Variants in FSIP2 observed in about 807,000 individuals in gnomAD.
FSIP2 encodes fibrous sheath interacting protein 2.
A neutral mutation model predicts 510.5 loss-of-function variants in FSIP2; 367 were observed. The observed-to-expected ratio is 0.72, with a 90% CI of 0.66 to 0.78. The LOEUF is 0.78. Among genes scored for constraint, FSIP2 ranks in the 30% least tolerant of loss-of-function variants. The pLI is 0.00. For missense variants in FSIP2, 7,594 were observed against 7,901.7 expected (o/e 0.96, Z 1.48); for synonymous variants, 2,601 against 2,732.2 (o/e 0.95, Z 1.50).
At chr2:185,760,784 T>C (rs1692334477) in intron 9 of FSIP2, among the ~76,000 whole-genome samples, 1 of 150,588 alleles carries the variant, frequency 6.6e-6, no homozygotes, top group African/African-American at 2.4e-5. Context: ...AACAGAGAGA[T>C]GGATAAATCA....
intron 19 of FSIP2, among the ~76,000 whole-genome samples, chr2:185,819,259 G>A (rs1263879820): frequency 6.6e-6 from 1 of 151,810 alleles, no homozygotes; most frequent in Non-Finnish European, 1.5e-5. Context: ...TAAATACAAA[G>A]GAAGACAGTA....
Position 185,795,427 on chromosome 2 carries a change from C to T in FSIP2, c.8291C>T (p.Pro2764Leu), listed in dbSNP as rs1454873872. The T allele has an allele frequency of 5.2e-6, 8 of 1,534,494 alleles. No homozygotes were observed. Among genetic ancestry groups the T allele is most frequent in the African/African-American group, 1.4e-5 (1 of 72,858 alleles). The change falls in exon 16 of 23, where the codon CCA becomes CTA. Residue 2764 changes from proline to leucine, a missense_variant. By Grantham distance (98) the Pro-to-Leu change is moderately conservative. Coordinates refer to ENST00000424728, the MANE Select transcript of FSIP2 (RefSeq NM_173651.4). ...FGKVKQTKAL[P>L]SDQIIAAGKI... Reference sequence around the variant, plus strand: ...AAGGTAAAGCAAACCAAAGCTTTACCATCTGATCAAATCATAGCAGCAGGT... The same window carrying T: ...AAGGTAAAGCAAACCAAAGCTTTACTATCTGATCAAATCATAGCAGCAGGT...
chr2:185,797,123 T>A lies in FSIP2; in HGVS notation c.9987T>A (p.Ala3329=), dbSNP rs1331668118. The change falls in exon 16 of 23, where the codon GCT becomes GCA. Residue 3329 remains alanine (A), a synonymous_variant. Transcript: ENST00000424728. ...TTISPLKICL[A]AENIVNTVLS... ...TTTCCCCTCTCAAAATATGTTTAGC[T>A]GCAGAAAATATTGTCAATACTGTGC... 3 of 1,534,896 alleles carry A rather than the reference T, an allele frequency of 2.0e-6. No homozygotes were observed. The highest frequency in any genetic ancestry group is 3.9e-5 in the Admixed American group (2 of 50,896).
chr2:185,755,520 GA>G (rs1299759773), intron 8 of FSIP2, among the ~76,000 whole-genome samples: 10 of 151,506 alleles, frequency 6.6e-5, no homozygotes, highest in African/African-American at 2.4e-4. Flanking sequence ...CAAAGAGTCA[GA>G]ATAGAAAGAA....
chr2:185,777,469 G>T (rs1442498402), intron 13 of FSIP2, among the ~76,000 whole-genome samples: 1 of 148,988 alleles, frequency 6.7e-6, no homozygotes, highest in Non-Finnish European at 1.5e-5. Flanking sequence ...GTAAAAGTGG[G>T]CTCCTTGTCT....
chr2:185,772,254 C>T (rs952485542), intron 13 of FSIP2, among the ~76,000 whole-genome samples: 5 of 152,164 alleles, frequency 3.3e-5, no homozygotes, highest in African/African-American at 9.7e-5. Context: ...TTTCTTATCT[C>T]TCTCCATTAC....
Position 185,806,263 on chromosome 2 carries a change from A to G in FSIP2, c.16957A>G (p.Ser5653Gly). 2 of 1,610,270 alleles carry G rather than the reference A, an allele frequency of 1.2e-6. No homozygotes were observed. Among genetic ancestry groups the G allele is most frequent in the Non-Finnish European group, 1.7e-6 (2 of 1,178,026 alleles). The change falls in exon 17 of 23, where the codon AGC becomes GGC. Residue 5653 changes from serine (S) to glycine (G), a missense_variant. By Grantham distance (56) the Ser-to-Gly change is moderately conservative (BLOSUM62 0). Coordinates refer to ENST00000424728, the MANE Select transcript of FSIP2 (RefSeq NM_173651.4). ...TTTGGAAATAAGAATTCGAACATCA[A>G]GCAATGAGGGGAGAAGAGACTCTCC... ...DTLEIRIRTS[S>G]NEGRRDSPTQ...
intron 16 of FSIP2, among the ~76,000 whole-genome samples, chr2:185,798,000 T>C (rs531549075): frequency 2.7e-4 from 41 of 152,024 alleles, no homozygotes; most frequent in African/African-American, 8.9e-4. Flanking sequence ...CTCAATTGCT[T>C]TTTAATTCAT....
chr2:185,807,818 C>T lies in FSIP2; in HGVS notation c.18512C>T (p.Ala6171Val), dbSNP rs1456954954. ...TDVPLPKPSH[A>V]DKLSYNIIEE... Reference sequence around the variant, plus strand: ...GTGCCCCTACCTAAACCTTCACATGCTGATAAGCTGTCTTATAACATAATA... The same window carrying T: ...GTGCCCCTACCTAAACCTTCACATGTTGATAAGCTGTCTTATAACATAATA... The change falls in exon 17 of 23, where the codon GCT becomes GTT. Residue 6171 changes from alanine to valine, a missense_variant. Transcript: ENST00000424728. The T allele has an allele frequency of 5.0e-6, 8 of 1,612,428 alleles. No individual in the cohort carries two copies. Among genetic ancestry groups the T allele is most frequent in the Non-Finnish European group, 6.8e-6 (8 of 1,179,146 alleles).
intron 20 of FSIP2, among the ~76,000 whole-genome samples, chr2:185,827,799 C>G (rs1694038911): frequency 6.6e-6 from 1 of 151,876 alleles, no homozygotes; most frequent in African/African-American, 2.4e-5. Context: ...TATTAAGAAT[C>G]ATCTATAGAG....
Position 185,774,358 on chromosome 2 carries a change from C to A in FSIP2, c.1412-8347C>A, listed in dbSNP as rs1021622737. On this transcript the variant is annotated intron_variant, in intron 13 of 22. Coordinates refer to ENST00000424728, the MANE Select transcript of FSIP2 (RefSeq NM_173651.4). ...CTAACTCCTCAAATTAGTTAAACCACCATAGTATGTTATTGCCTGGAAAGT... is the reference window on the plus strand; with the variant it reads ...CTAACTCCTCAAATTAGTTAAACCAACATAGTATGTTATTGCCTGGAAAGT... 7.1e-4 allele frequency among the ~76,000 whole-genome samples: 108 copies of A among 152,264 alleles called. 1 individual carries two copies. Among genetic ancestry groups the A allele is most frequent in the African/African-American group, 2.5e-3 (105 of 41,544 alleles).
At chr2:185,771,090 C>T (rs770546679) in intron 13 of FSIP2, among the ~76,000 whole-genome samples, 7 of 152,204 alleles carry the variant, frequency 4.6e-5, no homozygotes, top group Non-Finnish European at 1.0e-4. Flanking sequence ...GGCAGCCCCA[C>T]CACTGTGGCT....
Position 185,794,621 on chromosome 2 carries a change from T to C in FSIP2, c.7485T>C (p.Tyr2495=). 3.3e-6 allele frequency: 5 copies of C among 1,532,492 alleles called. No individual in the cohort carries two copies. Among genetic ancestry groups the C allele is most frequent in the Non-Finnish European group, 4.4e-6 (5 of 1,145,194 alleles). 94.9% of individuals were successfully genotyped at this position (1,532,492 alleles called of 1,614,324 possible). The change falls in exon 16 of 23, where the codon TAT becomes TAC. Residue 2495 remains tyrosine, a synonymous_variant. Transcript: ENST00000424728. ...IAVEELLNKL[Y]QRVREVTGHL... ...TGGAAGAACTTTTGAATAAGTTGTA[T>C]CAAAGAGTAAGGGAAGTCACAGGCC...
In FSIP2 at chr2:185,796,636, TC is replaced by T. The variant is rs764405431; in HGVS notation, c.9501del (p.Phe3167LeufsTer5). 2.6e-6 allele frequency: 4 copies of T among 1,535,038 alleles called. No homozygotes were observed. Among genetic ancestry groups the T allele is most frequent in the Non-Finnish European group, 3.5e-6 (4 of 1,146,230 alleles). Reference protein sequence around the residue: ...QVELATNMKMFTSKLKEGSLG... With the variant: ...QVELATNMKMXTSKLKEGSLG... ...GAATTAGCAACTAATATGAAAATGTTCACATCAAAGTTAAAGGAAGGTAGTT... is the reference window on the plus strand; with the variant it reads ...GAATTAGCAACTAATATGAAAATGTTACATCAAAGTTAAAGGAAGGTAGTT... On this transcript the variant is annotated frameshift_variant, in exon 16 of 23. Coordinates refer to ENST00000424728, the MANE Select transcript of FSIP2 (RefSeq NM_173651.4). LOFTEE classifies it high-confidence loss of function.
chr2:185,762,795 A>G (rs1374119887), intron 11 of FSIP2, among the ~76,000 whole-genome samples: 1 of 151,374 alleles, frequency 6.6e-6, no homozygotes, highest in Non-Finnish European at 1.5e-5. Flanking sequence ...ACATTTTTCT[A>G]TGAAACAATC....
Position 185,828,147 on chromosome 2 carries a change from T to A in FSIP2, c.20474-9T>A, listed in dbSNP as rs988210874. On this transcript the variant is annotated splice_polypyrimidine_tract_variant and intron_variant, in intron 20 of 22. Coordinates refer to ENST00000424728, the MANE Select transcript of FSIP2 (RefSeq NM_173651.4). Reference sequence around the variant, plus strand: ...GACTATTTTACTTTTTTTTTTTTAATCTCTACAGAAAGTTCTCAGGAACAA... The same window carrying A: ...GACTATTTTACTTTTTTTTTTTTAAACTCTACAGAAAGTTCTCAGGAACAA... 1.3e-6 allele frequency: 2 copies of A among 1,513,640 alleles called. No individual in the cohort carries two copies. Among genetic ancestry groups the A allele is most frequent in the Non-Finnish European group, 1.8e-6 (2 of 1,095,836 alleles). The allele number at this position is 1,513,640 out of a possible 1,614,324, so 93.8% of individuals were successfully genotyped here.
intron 13 of FSIP2, among the ~76,000 whole-genome samples, chr2:185,770,705 T>C (rs1252942035): frequency 6.6e-6 from 1 of 152,184 alleles, no homozygotes; most frequent in African/African-American, 2.4e-5. Context: ...AAATCTCATG[T>C]ATTTTTTATA....
chr2:185,779,750 T>C (rs1006893495), intron 13 of FSIP2, among the ~76,000 whole-genome samples: 10 of 152,160 alleles, frequency 6.6e-5, no homozygotes, highest in African/African-American at 2.4e-5. Context: ...TCATTCCTTC[T>C]TGCATTTAAT....
At chr2:185,761,151 TACTTA>T (rs1692342428) in intron 10 of FSIP2, 48 bp downstream of exon 10, 2 of 742,012 alleles carry the variant, frequency 2.7e-6, no homozygotes, top group Non-Finnish European at 4.2e-6. Context: ...TTAATTTATC[TACTTA>T]ACTTTTATTT....
Sources: allele counts gnomAD v4.1 joint callset (sites outside exome capture counted in the v4.1 genomes callset), GRCh38; gene constraint gnomAD v4.1.1; transcripts MANE v1.5; gene names NCBI Gene and HGNC (gene_info 2026-07-23, HGNC 2026-07-21).